Variants in ZNF521 observed in about 807,000 individuals in gnomAD.
The protein encoded by ZNF521 is LYST-interacting protein 3.
ZNF521 carries 14 observed loss-of-function variants against 105.5 expected under a neutral mutation model. The observed-to-expected ratio is 0.13, with a 90% confidence interval of 0.09 to 0.21. The LOEUF (loss-of-function observed/expected upper bound fraction) is 0.21. Ranked by LOEUF, ZNF521 falls within the 10% of genes least tolerant of loss-of-function variation. ZNF521 has a pLI of 1.00. For synonymous variants in ZNF521, 635 were observed against 606.0 expected (o/e 1.05, Z -0.70); for missense variants, 1,233 against 1,629.7 (o/e 0.76, Z 4.19).
rs193248011 is a variant in ZNF521, at chr18:25,187,335, G to C, written c.3658+7825C>G. Among the ~76,000 whole-genome samples, 143 of 152,100 alleles carry C rather than the reference G, an allele frequency of 9.4e-4. 1 individual carries two copies. The highest frequency in any genetic ancestry group is 5.1e-4 in the Non-Finnish European group (35 of 68,000). On this transcript the variant is annotated intron_variant, in intron 5 of 7. Coordinates refer to ENST00000361524, the MANE Select transcript of ZNF521 (RefSeq NM_015461.3). ...GTGTCTGAATTAATGCAATGTAAGCGTGAACTTAAACGATACAATTTCTCT... is the reference window on the plus strand; with the variant it reads ...GTGTCTGAATTAATGCAATGTAAGCCTGAACTTAAACGATACAATTTCTCT...
In ZNF521 at chr18:25,322,180, G is replaced by C; in HGVS notation, c.48C>G (p.Asn16Lys). 6.2e-7 allele frequency: 1 copy of C among 1,614,154 alleles called. No homozygotes were observed. The highest frequency in any genetic ancestry group is 1.6e-4 in the Middle Eastern group (1 of 6,062). The change falls in exon 3 of 8, where the codon AAC becomes AAG. Residue 16 changes from asparagine (N) to lysine (K), a missense_variant. Coordinates refer to ENST00000361524, the MANE Select transcript of ZNF521 (RefSeq NM_015461.3). ...CTTCAGTCTTGTCTTCAAGTTTACA[G>C]TTGGGGTCTGAAAAATATCAACACT... ...QAKPRSLKDP[N>K]CKLEDKTEDG...
intron 3 of ZNF521, among the ~76,000 whole-genome samples, chr18:25,272,800 T>C (rs1909750044): frequency 2.0e-5 from 3 of 152,108 alleles, no homozygotes; most frequent in South Asian, 4.2e-4. Flanking sequence ...TTAGGAGAAA[T>C]ATCTAATGTA....
In ZNF521 at chr18:25,284,910, GCA is replaced by G. The variant is rs45525437; in HGVS notation, c.220+37096_220+37097del. 2.9e-3 allele frequency among the ~76,000 whole-genome samples: 423 copies of G among 148,276 alleles called. 1 individual carries two copies. The highest frequency in any genetic ancestry group is 6.9e-3 in the Middle Eastern group (2 of 290). ...CAAACACTCATGTGCGTGCGCGCGC[GCA>G]CACACACACACACACACACACAGGG... On this transcript the variant is annotated intron_variant, in intron 3 of 7. Coordinates refer to ENST00000361524, the MANE Select transcript of ZNF521 (RefSeq NM_015461.3).
At chr18:25,069,432 G>C (rs2033159739) in intron 7 of ZNF521, among the ~76,000 whole-genome samples, 1 of 152,126 alleles carries the variant, frequency 6.6e-6, no homozygotes, top group Non-Finnish European at 1.5e-5. Flanking sequence ...ATTTTCAACT[G>C]ATTAAAAGTA....
In ZNF521 at chr18:25,230,392, G is replaced by A. The variant is rs1027847511; in HGVS notation, c.221-2695C>T. On this transcript the variant is annotated intron_variant, in intron 3 of 7. Coordinates refer to ENST00000361524, the MANE Select transcript of ZNF521 (RefSeq NM_015461.3). ...CACACAGGGACTCACTACTCCAAGC[G>A]GGTTGGTCCACACTCTTCAGGTATC... is the stretch of plus-strand genomic sequence containing the variant. Among the ~76,000 whole-genome samples the A allele has an allele frequency of 2.6e-5, 4 of 152,070 alleles. No individual in the cohort carries two copies. In the East Asian group the frequency reaches 7.7e-4, roughly 29 times the overall value.
intron 5 of ZNF521, among the ~76,000 whole-genome samples, chr18:25,179,778 C>A (rs143928465): frequency 1.3e-5 from 2 of 152,280 alleles, no homozygotes; most frequent in Non-Finnish European, 2.9e-5. Context: ...AAACACAAGA[C>A]ACGGAGTGCT....
intron 7 of ZNF521, among the ~76,000 whole-genome samples, chr18:25,076,512 G>A (rs530516099): frequency 6.6e-6 from 1 of 152,266 alleles, no homozygotes; most frequent in South Asian, 2.1e-4. Context: ...TTATAGTGCT[G>A]GAAGCTTTTT....
At chr18:25,315,793 G>GAGTCACCAAA (rs1219990315) in intron 3 of ZNF521, 15 of 152,166 alleles carry the variant, frequency 9.9e-5, no homozygotes, top group Middle Eastern at 3.4e-3. Flanking sequence ...GTCACCCTTG[G>GAGTCACCAAA]GGATGAAAGT....
chr18:25,155,765 G>C (rs79945020), intron 5 of ZNF521, among the ~76,000 whole-genome samples: 2,142 of 152,108 alleles, frequency 0.014, 40 homozygotes, highest in African/African-American at 0.041. Flanking sequence ...ATAAACTGTG[G>C]TATAAATATA....
At chr18:25,118,682 T>A (rs2034375613) in intron 5 of ZNF521, among the ~76,000 whole-genome samples, 1 of 151,814 alleles carries the variant, frequency 6.6e-6, no homozygotes. Context: ...AATGGAATTA[T>A]AAAAACGATT....
At chr18:25,160,452 G>C (rs1202356440) in intron 5 of ZNF521, among the ~76,000 whole-genome samples, 1 of 152,200 alleles carries the variant, frequency 6.6e-6, no homozygotes, top group East Asian at 1.9e-4. Context: ...GAATTTGGTT[G>C]CAAGAGCTAA....
chr18:25,260,760 ATTATG>A, intron 3 of ZNF521, among the ~76,000 whole-genome samples: 1 of 152,260 alleles, frequency 6.6e-6, no homozygotes, highest in South Asian at 2.1e-4. Flanking sequence ...TTTTCTCAGC[ATTATG>A]TTATCTCTTC....
intron 5 of ZNF521, among the ~76,000 whole-genome samples, chr18:25,161,506 T>C (rs1332166331): frequency 6.6e-6 from 1 of 152,210 alleles, no homozygotes; most frequent in Non-Finnish European, 1.5e-5. Flanking sequence ...AGGCTGTTTG[T>C]AAGTAAAATG....
chr18:25,124,763 C>T (rs1202095775), intron 5 of ZNF521, among the ~76,000 whole-genome samples: 1 of 152,052 alleles, frequency 6.6e-6, no homozygotes, highest in African/African-American at 2.4e-5. Flanking sequence ...TATTTTGTTC[C>T]AAACAAATTA....
intron 5 of ZNF521, among the ~76,000 whole-genome samples, chr18:25,155,558 C>T (rs868629713): frequency 6.6e-6 from 1 of 152,074 alleles, no homozygotes; most frequent in African/African-American, 2.4e-5. Flanking sequence ...TTAGGTCTTA[C>T]ATTTAGGTCT....
intron 4 of ZNF521, among the ~76,000 whole-genome samples, chr18:25,214,103 G>A (rs75794176): frequency 0.036 from 5,416 of 152,010 alleles, 310 homozygotes; most frequent in African/African-American, 0.12. Flanking sequence ...TCCAGGTAAC[G>A]CCTTGCTTTT....
At chr18:25,182,079 C>A (rs1318804845) in intron 5 of ZNF521, among the ~76,000 whole-genome samples, 1 of 152,020 alleles carries the variant, frequency 6.6e-6, no homozygotes, top group Non-Finnish European at 1.5e-5. Context: ...ACCATGCATT[C>A]AATTAGAAGA....
At chr18:25,287,565 T>C (rs540433966) in intron 3 of ZNF521, among the ~76,000 whole-genome samples, 5 of 151,472 alleles carry the variant, frequency 3.3e-5, no homozygotes, top group African/African-American at 4.9e-5. Flanking sequence ...ATAAAAACCC[T>C]CTTTATGAAA....
intron 3 of ZNF521, among the ~76,000 whole-genome samples, chr18:25,274,922 C>T (rs904320754): frequency 1.6e-4 from 24 of 152,118 alleles, no homozygotes; most frequent in Admixed American, 5.2e-4. Context: ...ACCTCAATAT[C>T]CTACTGTTCA....
Sources: allele counts gnomAD v4.1 joint callset (sites outside exome capture counted in the v4.1 genomes callset), GRCh38; gene constraint gnomAD v4.1.1; transcripts MANE v1.5; gene names NCBI Gene and HGNC (gene_info 2026-07-23, HGNC 2026-07-21).